Variants in CLEC7A observed in about 807,000 individuals in gnomAD.
CLEC7A encodes the protein C-type lectin domain containing 7A, also known as C-type lectin domain family 7 member A.
Under a neutral mutation model 26.9 loss-of-function variants are expected in CLEC7A, and 25 were observed. The observed-to-expected ratio is 0.93, with a 90% CI of 0.68 to 1.30. The LOEUF (loss-of-function observed/expected upper bound fraction) is 1.30. CLEC7A is among the 50% of genes most tolerant of loss of function. CLEC7A has a pLI of 0.00. For synonymous variants in CLEC7A, 100 were observed against 99.5 expected (o/e 1.01, Z -0.03); for missense variants, 275 against 286.7 (o/e 0.96, Z 0.29).
At chr12:10,123,914 G>A (rs1409422589) in intron 4 of CLEC7A, among the ~76,000 whole-genome samples, 1 of 152,148 alleles carries the variant, frequency 6.6e-6, no homozygotes, top group African/African-American at 2.4e-5. Flanking sequence ...GATTTGTAAT[G>A]TGAGGACTGT....
At chr12:10,126,816 T>C in intron 2 of CLEC7A, 108 bp from the exon 3 acceptor site, 2 of 862,452 alleles carry the variant, frequency 2.3e-6, no homozygotes, top group Non-Finnish European at 3.5e-6. Context: ...AATACATTAT[T>C]GATTAATGAT....
intron 5 of CLEC7A, 100 bp from the exon 6 acceptor site, chr12:10,118,690 T>C (rs774201834): frequency 6.9e-6 from 7 of 1,017,646 alleles, no homozygotes; most frequent in Non-Finnish European, 1.0e-5. Context: ...TGAAAAGAGT[T>C]CTGAAGTGTT....
Position 10,130,036 on chromosome 12 carries a change from G to A in CLEC7A, c.47C>T (p.Thr16Ile). ...DLENLDEDGYTQLHFDSQSNT... is the reference protein window; with the variant it reads ...DLENLDEDGYIQLHFDSQSNT... ...GCTTTGAGAGTCGAAGTGTAATTGA[G>A]TATATCCATCTTCATCCAAATTTTC... Residue 16 changes from threonine to isoleucine, a missense_variant, in exon 1 of 6, where the codon ACT becomes ATT. Transcript: ENST00000304084. 1 of 1,610,982 alleles carries A rather than the reference G, an allele frequency of 6.2e-7. No individual in the cohort carries two copies. The highest frequency in any genetic ancestry group is 8.5e-7 in the Non-Finnish European group (1 of 1,177,226).
At position 10,116,958 on chromosome 12, in the gene CLEC7A, T is replaced by A. The variant is rs575479504; in HGVS notation, c.*1500A>T. On this transcript the variant is annotated 3_prime_UTR_variant, in exon 6 of 6. Transcript: ENST00000304084. ...CCATTGGAAATAAAAATAGCACCAG[T>A]GGGAAAGTATGAAAAAAATAAGACA... 6.6e-6 allele frequency: 1 copy of A among 151,950 alleles called. No homozygotes were observed. The highest frequency in any genetic ancestry group is 2.4e-5 in the African/African-American group (1 of 41,454). The allele number at this position is 151,950 out of a possible 1,614,324, so 9.4% of individuals were successfully genotyped here.
chr12:10,126,793 A>T lies in CLEC7A; in HGVS notation c.203-85T>A, dbSNP rs936140774. The T allele has an allele frequency of 8.7e-5, 93 of 1,066,632 alleles. 1 individual carries two copies. The East Asian group carries it at 2.3e-3, about 27-fold the overall frequency. The allele number at this position is 1,066,632 out of a possible 1,614,324, so 66.1% of individuals were successfully genotyped here. ...ATTAAAATCCCAAAACCCAAATGTTATTGGAATAAAAGAATACATTATTGA... is the reference window on the plus strand; with the variant it reads ...ATTAAAATCCCAAAACCCAAATGTTTTTGGAATAAAAGAATACATTATTGA... On this transcript the variant is annotated intron_variant, in intron 2 of 5. Transcript: ENST00000304084.
At position 10,127,792 on chromosome 12, in the gene CLEC7A, G is replaced by A. The variant is rs769025321; in HGVS notation, c.157C>T (p.Leu53=). 1.3e-6 allele frequency: 2 copies of A among 1,588,060 alleles called. No homozygotes were observed. Among genetic ancestry groups the A allele is most frequent in the South Asian group, 2.3e-5 (2 of 87,200 alleles). ...GCTATCACCAGTATTACCAAGCATAGGATTCCCAAAATTACAGCAATGAGG... is the reference window on the plus strand; with the variant it reads ...GCTATCACCAGTATTACCAAGCATAAGATTCCCAAAATTACAGCAATGAGG... ...WRLIAVILGI[L]CLVILVIAVV... The change falls in exon 2 of 6, where the codon CTA becomes TTA. Residue 53 remains leucine, a synonymous_variant. Coordinates refer to ENST00000304084, the MANE Select transcript of CLEC7A (RefSeq NM_197947.3).
At chr12:10,127,905 G>T (rs1470542402) in intron 1 of CLEC7A, 60 bp from the exon 2 acceptor site, 11 of 1,177,948 alleles carry the variant, frequency 9.3e-6, no homozygotes, top group Non-Finnish European at 1.3e-5. Context: ...TGGTGGGGCA[G>T]TTTAATTCTA....
chr12:10,126,231 T>A (rs1302632604), intron 3 of CLEC7A: 1 of 981,922 alleles, frequency 1.0e-6, no homozygotes, highest in Non-Finnish European at 1.2e-6. Flanking sequence ...ATTTAAAATG[T>A]CAATTCTGTA....
At chr12:10,127,457 T>C (rs1948328599) in intron 2 of CLEC7A, 1 of 1,613,194 alleles carries the variant, frequency 6.2e-7, no homozygotes, top group Non-Finnish European at 8.5e-7. Context: ...GTAAGGGAGG[T>C]AGGAGAGCAA....
intron 5 of CLEC7A, among the ~76,000 whole-genome samples, chr12:10,122,373 T>G (rs942594516): frequency 1.3e-5 from 2 of 152,220 alleles, no homozygotes; most frequent in African/African-American, 4.8e-5. Context: ...TGGTTGCTTT[T>G]TAACTTAATA....
Position 10,123,260 on chromosome 12 carries a change from G to A in CLEC7A, c.596C>T (p.Thr199Ile), listed in dbSNP as rs765806491. 1 of 1,600,594 alleles carries A rather than the reference G, an allele frequency of 6.2e-7. No individual in the cohort carries two copies. Among genetic ancestry groups the A allele is most frequent in the South Asian group, 1.1e-5 (1 of 90,760 alleles). Residue 199 changes from threonine (T) to isoleucine (I), a missense_variant, in exon 5 of 6, where the codon ACA becomes ATA. By Grantham distance (89) the Thr-to-Ile change is moderately conservative (BLOSUM62 -1). Coordinates refer to ENST00000304084, the MANE Select transcript of CLEC7A (RefSeq NM_197947.3). ...EVPWLWEDGSTFSSNLFQIRT... is the reference protein window; with the variant it reads ...EVPWLWEDGSIFSSNLFQIRT... The stretch of plus-strand genomic sequence containing the variant: ...AAACACTTACAAGTTAGAAGAGAAT[G>A]TTGATCCATCCTCCCAGAGCCATGG...
At chr12:10,126,550 G>A (rs528543057) in intron 3 of CLEC7A, 21 bp downstream of exon 3, 44 of 1,592,722 alleles carry the variant, frequency 2.8e-5, no homozygotes, top group South Asian at 4.5e-5. Context: ...TCAAGATTCC[G>A]TCCTTTAACT....
chr12:10,122,484 C>CTTTTTTTTTTTTTTTTTTTTTT (rs143612827), intron 5 of CLEC7A, among the ~76,000 whole-genome samples: 5 of 128,844 alleles, frequency 3.9e-5, no homozygotes, highest in African/African-American at 1.3e-4. Flanking sequence ...TTCTTTTTTT[C>CTTTTTTTTTTTTTTTTTTTTTT]TTTTTTTTTT....
At position 10,127,936 on chromosome 12, in the gene CLEC7A, C is replaced by G. The variant is rs1194733857; in HGVS notation, c.104-91G>C. On this transcript the variant is annotated intron_variant, in intron 1 of 5. Transcript: ENST00000304084. Reference sequence around the variant, plus strand: ...TTCTACAGTTCATCAAAAATCTGGCCTTGCACGGTGGCTCACACCTGTAAT... The same window carrying G: ...TTCTACAGTTCATCAAAAATCTGGCGTTGCACGGTGGCTCACACCTGTAAT... The G allele has an allele frequency of 3.4e-6, 3 of 887,396 alleles. No individual in the cohort carries two copies. The African/African-American group carries it at 5.1e-5, about 15-fold the overall frequency. 55.0% of individuals were successfully genotyped at this position (887,396 alleles called of 1,614,324 possible).
Position 10,118,464 on chromosome 12 carries a change from T to G in CLEC7A, c.738A>C (p.Ser246=). 2 of 1,609,390 alleles carry G rather than the reference T, an allele frequency of 1.2e-6. No individual in the cohort carries two copies. The highest frequency in any genetic ancestry group is 1.7e-6 in the Non-Finnish European group (2 of 1,175,950). Residue 246 remains serine (S), a synonymous_variant, in exon 6 of 6, where the codon TCA becomes TCC. Transcript: ENST00000304084. ...TCCTTCTCCACCCTTCCTCTTACAT[T>G]GAAAACTTCTTCTCACAAATACTAT... ...PSYSICEKKF[S]M
In CLEC7A at chr12:10,118,129, C is replaced by T. The variant is rs2137402726; in HGVS notation, c.*329G>A. ...GAGGCGAGAGATAGCTGCAGTGAGT[C>T]GAGATTGTGCCACTGCACTCCAGCC... is the stretch of plus-strand genomic sequence containing the variant. On this transcript the variant is annotated 3_prime_UTR_variant, in exon 6 of 6. Transcript: ENST00000304084. 8.6e-6 allele frequency: 2 copies of T among 232,670 alleles called. No individual in the cohort carries two copies. Among genetic ancestry groups the T allele is most frequent in the Non-Finnish European group, 1.7e-5 (2 of 119,460 alleles). 14.4% of individuals were successfully genotyped at this position (232,670 alleles called of 1,614,324 possible). A position where few individuals can be genotyped will look rare whatever the true frequency, so the allele number is the denominator to read the frequency against.
chr12:10,129,684 CT>C (rs1276850625), intron 1 of CLEC7A, among the ~76,000 whole-genome samples: 1 of 152,082 alleles, frequency 6.6e-6, no homozygotes, highest in Non-Finnish European at 1.5e-5. Context: ...TTGGCATGAT[CT>C]TGGCTCACTG....
chr12:10,128,745 C>T (rs1283954949), intron 1 of CLEC7A, among the ~76,000 whole-genome samples: 1 of 152,164 alleles, frequency 6.6e-6, no homozygotes, highest in African/African-American at 2.4e-5. Flanking sequence ...TACACATATG[C>T]ATAAACATGC....
intron 2 of CLEC7A, chr12:10,127,031 A>G: frequency 1.4e-6 from 2 of 1,396,586 alleles, no homozygotes; most frequent in Non-Finnish European, 1.9e-6. Flanking sequence ...AAATAGCAAC[A>G]TCTTTCACCT....
Sources: allele counts gnomAD v4.1 joint callset (sites outside exome capture counted in the v4.1 genomes callset), GRCh38; gene constraint gnomAD v4.1.1; transcripts MANE v1.5; gene names NCBI Gene and HGNC (gene_info 2026-07-23, HGNC 2026-07-21).